Variants in JPH2 observed in about 807,000 individuals in gnomAD.
JPH2 encodes the protein junctophilin 2, also known as junctophilin-2.
In JPH2, 38 loss-of-function variants were observed where a neutral mutation model predicts 55.9. The ratio of observed to expected loss-of-function variants is 0.68; its 90% CI spans 0.52 to 0.89. The LOEUF (loss-of-function observed/expected upper bound fraction) is 0.89. Among genes scored for constraint, JPH2 ranks in the 40% least tolerant of loss-of-function variants. JPH2 has a pLI of 0.00. For synonymous variants in JPH2, 480 were observed against 472.4 expected (o/e 1.02, Z -0.21); for missense variants, 964 against 1,037.6 (o/e 0.93, Z 0.97).
At chr20:44,147,638 C>T (rs1054654619) in intron 2 of JPH2, among the ~76,000 whole-genome samples, 51 of 152,176 alleles carry the variant, frequency 3.4e-4, no homozygotes, top group African/African-American at 1.2e-3. Flanking sequence ...GGATTTATTA[C>T]TTTTTTATTT....
In JPH2 at chr20:44,114,809, T is replaced by C. The variant is rs2072174687; in HGVS notation, c.2078A>G (p.His693Arg). The change falls in exon 5 of 6, where the codon CAC becomes CGC. Residue 693 changes from histidine to arginine, a missense_variant. By Grantham distance (29) the His-to-Arg change is conservative. Transcript: ENST00000372980. Reference sequence around the variant, plus strand: ...GGTAAGCGACGGTCAGGTCAGGAGGTGAACAAAGAGGATGGCCAGGCCGAT... The same window carrying C: ...GGTAAGCGACGGTCAGGTCAGGAGGCGAACAAAGAGGATGGCCAGGCCGAT... Reference protein sequence around the residue: ...LNIGLAILFVHLLT With the variant: ...LNIGLAILFVRLLT 1 of 1,604,348 alleles carries C rather than the reference T, an allele frequency of 6.2e-7. No homozygotes were observed. Among genetic ancestry groups the C allele is most frequent in the South Asian group, 1.1e-5 (1 of 88,606 alleles).
chr20:44,154,508 T>C (rs997912377), intron 2 of JPH2, among the ~76,000 whole-genome samples: 1 of 152,212 alleles, frequency 6.6e-6, no homozygotes, highest in African/African-American at 2.4e-5. Context: ...GTCTAGAATC[T>C]TTTTCAATCC....
chr20:44,139,034 C>T (rs903995935), intron 2 of JPH2, among the ~76,000 whole-genome samples: 11 of 152,120 alleles, frequency 7.2e-5, no homozygotes, highest in African/African-American at 2.7e-4. Flanking sequence ...CACTGGGCTG[C>T]CCTGGACTCC....
intron 2 of JPH2, among the ~76,000 whole-genome samples, chr20:44,136,617 C>T (rs1187374621): frequency 6.6e-6 from 1 of 152,148 alleles, no homozygotes; most frequent in African/African-American, 2.4e-5. Context: ...CAAATCCACA[C>T]AGCCAGGGAA....
intron 2 of JPH2, among the ~76,000 whole-genome samples, chr20:44,134,928 T>TAA (rs1569195998): frequency 1.3e-4 from 14 of 111,526 alleles, no homozygotes; most frequent in South Asian, 5.1e-4. Flanking sequence ...TATATATTTA[T>TAA]ATATATATAT....
At chr20:44,144,937 C>T (rs772169046) in intron 2 of JPH2, among the ~76,000 whole-genome samples, 62 of 150,332 alleles carry the variant, frequency 4.1e-4, no homozygotes, top group African/African-American at 8.3e-4. Context: ...CTAGGCCCCA[C>T]GGGGCAGGTT....
chr20:44,149,163 C>G (rs1029866760), intron 2 of JPH2, among the ~76,000 whole-genome samples: 8 of 152,164 alleles, frequency 5.3e-5, no homozygotes, highest in Non-Finnish European at 1.0e-4. Flanking sequence ...GAAGCCCAAG[C>G]CCAGCCTCCT....
At position 44,112,620 on chromosome 20, in the gene JPH2, G is replaced by A. The variant is rs45451396; in HGVS notation, c.*898C>T. 16,433 of 152,130 alleles carry A rather than the reference G, an allele frequency of 0.11. 1,148 individuals carry two copies. Among genetic ancestry groups the A allele is most frequent in the African/African-American group, 0.21 (8,533 of 41,462 alleles). 9.4% of individuals were successfully genotyped at this position (152,130 alleles called of 1,614,324 possible). A position where few individuals can be genotyped will look rare whatever the true frequency, so the allele number is the denominator to read the frequency against. Reference sequence around the variant, plus strand: ...CTTTCGGTGGGCCCTGATGGGGGAGGAGACAAGCCATTTCACAGGGCATCA... The same window carrying A: ...CTTTCGGTGGGCCCTGATGGGGGAGAAGACAAGCCATTTCACAGGGCATCA... On this transcript the variant is annotated 3_prime_UTR_variant, in exon 6 of 6. Coordinates refer to ENST00000372980, the MANE Select transcript of JPH2 (RefSeq NM_020433.5).
chr20:44,166,832 C>T (rs1018093989), intron 1 of JPH2, among the ~76,000 whole-genome samples: 3 of 152,178 alleles, frequency 2.0e-5, no homozygotes, highest in Admixed American at 6.5e-5. Flanking sequence ...GGGCCTCCTC[C>T]GATACCCTTT....
At chr20:44,172,681 G>A (rs2072707309) in intron 1 of JPH2, among the ~76,000 whole-genome samples, 1 of 152,058 alleles carries the variant, frequency 6.6e-6, no homozygotes. Context: ...TAGAGATGTG[G>A]TCTCGCTATG....
chr20:44,139,588 T>C (rs1056885096), intron 2 of JPH2, among the ~76,000 whole-genome samples: 1 of 152,196 alleles, frequency 6.6e-6, no homozygotes, highest in African/African-American at 2.4e-5. Context: ...AGTATGTATA[T>C]GCTACAGTAT....
At chr20:44,133,819 T>A (rs1486249486) in intron 2 of JPH2, among the ~76,000 whole-genome samples, 1 of 137,276 alleles carries the variant, frequency 7.3e-6, no homozygotes, top group African/African-American at 2.7e-5. Flanking sequence ...GGGGGCGATA[T>A]AAATAAATAT....
At chr20:44,134,889 A>G (rs1333609225) in intron 2 of JPH2, among the ~76,000 whole-genome samples, 2 of 37,026 alleles carry the variant, frequency 5.4e-5, no homozygotes, top group African/African-American at 2.1e-4. Flanking sequence ...TATATATATT[A>G]ATATATATTT....
chr20:44,166,233 T>C (rs902651353), intron 1 of JPH2, among the ~76,000 whole-genome samples: 1 of 152,102 alleles, frequency 6.6e-6, no homozygotes, highest in Non-Finnish European at 1.5e-5. Context: ...GTTTTACAGA[T>C]CAGAAAAAAC....
chr20:44,170,913 T>C (rs1434142381), intron 1 of JPH2, among the ~76,000 whole-genome samples: 2 of 152,228 alleles, frequency 1.3e-5, no homozygotes, highest in African/African-American at 4.8e-5. Context: ...ACTGCGATAC[T>C]CCTTAATTCT....
rs1217016470 is a variant in JPH2, at chr20:44,186,971, A to G, written c.-266T>C. The G allele has an allele frequency of 1.8e-6, 1 of 570,206 alleles. No homozygotes were observed. Among genetic ancestry groups the G allele is most frequent in the Non-Finnish European group, 3.1e-6 (1 of 319,420 alleles). 35.3% of individuals were successfully genotyped at this position (570,206 alleles called of 1,614,324 possible). A position where few individuals can be genotyped will look rare whatever the true frequency, so the allele number is the denominator to read the frequency against. ...CTGCTGGAAAGAAAGCAGGAAGGAA[A>G]GGTTCAAAGTCCCCACAAAGCGTCC... On this transcript the variant is annotated 5_prime_UTR_variant, in exon 1 of 6. Transcript: ENST00000372980.
chr20:44,125,649 C>T (rs1264795594), intron 2 of JPH2, among the ~76,000 whole-genome samples: 3 of 152,162 alleles, frequency 2.0e-5, no homozygotes, highest in African/African-American at 7.2e-5. Flanking sequence ...AATCAGGCAA[C>T]ATTTCTGGAA....
intron 1 of JPH2, among the ~76,000 whole-genome samples, chr20:44,170,666 G>A (rs1456466829): frequency 6.6e-6 from 1 of 152,162 alleles, no homozygotes; most frequent in African/African-American, 2.4e-5. Context: ...TAAAGACTAT[G>A]GACCCAGCAT....
At chr20:44,178,210 A>G (rs909630390) in intron 1 of JPH2, among the ~76,000 whole-genome samples, 2 of 152,242 alleles carry the variant, frequency 1.3e-5, no homozygotes, top group Non-Finnish European at 2.9e-5. Context: ...CCTGAAAAAC[A>G]AAAACAAAAA....
Sources: allele counts gnomAD v4.1 joint callset (sites outside exome capture counted in the v4.1 genomes callset), GRCh38; gene constraint gnomAD v4.1.1; transcripts MANE v1.5; gene names NCBI Gene and HGNC (gene_info 2026-07-23, HGNC 2026-07-21).